Variants in SAXO1 observed in about 807,000 individuals in gnomAD.
SAXO1 encodes stabilizer of axonemal microtubules 1.
Under a neutral mutation model 17.5 loss-of-function variants are expected in SAXO1, and 21 were observed. The observed-to-expected ratio is 1.20, with a 90% confidence interval of 0.85 to 1.72. SAXO1 has a LOEUF of 1.72. Among genes scored for constraint, SAXO1 ranks in the 40% most tolerant of loss-of-function variants. SAXO1 has a pLI of 0.00. For synonymous variants in SAXO1, 274 were observed against 216.5 expected, an observed-to-expected ratio of 1.27 and a Z score of -2.33; for missense variants, 843 against 596.0, an observed-to-expected ratio of 1.41 and a Z score of -4.32.
At chr9:19,039,152 G>T (rs886257492) in intron 1 of SAXO1, among the ~76,000 whole-genome samples, 1 of 151,152 alleles carries the variant, frequency 6.6e-6, no homozygotes, top group African/African-American at 2.4e-5. Context: ...AAAAAAAAAA[G>T]AAAATATTAG....
intron 1 of SAXO1, among the ~76,000 whole-genome samples, chr9:19,016,337 G>A (rs937741099): frequency 6.6e-5 from 10 of 152,228 alleles, no homozygotes; most frequent in African/African-American, 2.4e-4. Context: ...TCAGGAGGCT[G>A]AGGCAGAAGA....
chr9:19,001,625 C>T (rs1353843556), intron 1 of SAXO1, among the ~76,000 whole-genome samples: 1 of 148,964 alleles, frequency 6.7e-6, no homozygotes, highest in Non-Finnish European at 1.5e-5. Context: ...CGAGATCGCG[C>T]ATTGCACTCT....
intron 1 of SAXO1, among the ~76,000 whole-genome samples, chr9:18,976,429 C>T (rs187172657): frequency 1.4e-3 from 220 of 152,302 alleles, no homozygotes; most frequent in Middle Eastern, 3.4e-3. Flanking sequence ...AGGGTAGCAG[C>T]TCATGTTGTG....
chr9:18,950,508 C>A (rs1381795829), intron 2 of SAXO1, among the ~76,000 whole-genome samples: 2 of 152,168 alleles, frequency 1.3e-5, no homozygotes, highest in Non-Finnish European at 2.9e-5. Context: ...TTAATCCAGC[C>A]TTTCCCCACC....
At chr9:19,004,903 A>G (rs1002619404) in intron 1 of SAXO1, among the ~76,000 whole-genome samples, 4 of 152,210 alleles carry the variant, frequency 2.6e-5, no homozygotes, top group African/African-American at 9.6e-5. Flanking sequence ...CATGAAAAAA[A>G]TTCTAAAAAC....
chr9:18,928,797 A>G lies in SAXO1; in HGVS notation c.680T>C (p.Phe227Ser), dbSNP rs377055524. 3 of 1,613,984 alleles carry G rather than the reference A, an allele frequency of 1.9e-6. No homozygotes were observed. The African/African-American group carries it at 4.0e-5, about 22-fold the overall frequency. ...EKRFVHEAEK[F>S]RPCEIPFESL... The stretch of plus-strand genomic sequence containing the variant: ...TTCAAAGGGGATTTCACAGGGCCTG[A>G]ACTTCTCTGCTTCATGCACAAAGCG... Residue 227 changes from phenylalanine to serine, a missense_variant, in exon 4 of 4, where the codon TTC becomes TCC. Coordinates refer to ENST00000380534, the MANE Select transcript of SAXO1 (RefSeq NM_153707.4).
At chr9:18,947,646 C>A (rs576870362) in intron 2 of SAXO1, 6 of 152,238 alleles carry the variant, frequency 3.9e-5, no homozygotes, top group African/African-American at 1.4e-4. Flanking sequence ...GGTGACATGC[C>A]TATGGGGAAA....
intron 1 of SAXO1, among the ~76,000 whole-genome samples, chr9:18,975,341 C>T (rs988965538): frequency 6.6e-6 from 1 of 152,162 alleles, no homozygotes; most frequent in Non-Finnish European, 1.5e-5. Flanking sequence ...AAGTTCAGAC[C>T]TTGCCCTCTT....
intron 1 of SAXO1, among the ~76,000 whole-genome samples, chr9:18,973,443 T>C (rs1299532964): frequency 6.6e-6 from 1 of 152,230 alleles, no homozygotes; most frequent in Non-Finnish European, 1.5e-5. Context: ...CATAGGTAGA[T>C]AGGAATGATT....
intron 1 of SAXO1, among the ~76,000 whole-genome samples, chr9:18,974,229 G>A (rs528288088): frequency 1.3e-5 from 2 of 152,302 alleles, no homozygotes; most frequent in Admixed American, 1.3e-4. Context: ...TCTAAACATG[G>A]AAAGAAGAAA....
At chr9:18,997,350 C>T (rs1406251745) in intron 1 of SAXO1, among the ~76,000 whole-genome samples, 8 of 152,232 alleles carry the variant, frequency 5.3e-5, no homozygotes, top group Admixed American at 1.3e-4. Context: ...GCTAGCGCAG[C>T]AGTATGAGAT....
chr9:19,035,310 T>C (rs141463389), upstream of SAXO1, among the ~76,000 whole-genome samples: 5 of 152,296 alleles, frequency 3.3e-5, no homozygotes, highest in African/African-American at 1.2e-4. Flanking sequence ...TCTCATGAGA[T>C]CTGACGGTTT....
At chr9:19,041,908 A>G (rs1281462741) in intron 1 of SAXO1, among the ~76,000 whole-genome samples, 1 of 152,178 alleles carries the variant, frequency 6.6e-6, no homozygotes, top group Non-Finnish European at 1.5e-5. Flanking sequence ...GTAATACCCC[A>G]CAAGCACAGG....
chr9:19,031,305 T>C (rs1323008503), intron 1 of SAXO1, among the ~76,000 whole-genome samples: 1 of 152,236 alleles, frequency 6.6e-6, no homozygotes, highest in African/African-American at 2.4e-5. Flanking sequence ...CTCATGCCTG[T>C]AATCCCAGCA....
At chr9:18,987,848 G>A (rs1028623907) in intron 1 of SAXO1, among the ~76,000 whole-genome samples, 4 of 150,318 alleles carry the variant, frequency 2.7e-5, no homozygotes, top group Non-Finnish European at 5.9e-5. Flanking sequence ...AGTGAGCAGA[G>A]ATGGCACCAC....
At chr9:19,010,284 T>C (rs62560428) in intron 1 of SAXO1, among the ~76,000 whole-genome samples, 11,092 of 151,530 alleles carry the variant, frequency 0.073, 509 homozygotes, top group African/African-American at 0.12. Flanking sequence ...AGTAGAGGGG[T>C]GGCCCTGGCA....
At position 19,005,857 on chromosome 9, in the gene SAXO1, G is replaced by A. The variant is rs574726812; in HGVS notation, c.38+27014C>T. Among the ~76,000 whole-genome samples the A allele has an allele frequency of 3.0e-3, 461 of 152,274 alleles. 8 individuals are homozygous for A. In the South Asian group the frequency reaches 0.045, roughly 15 times the overall value. The stretch of plus-strand genomic sequence containing the variant: ...GCTACAGGCTGGGAAAAAATTTGCA[G>A]ATCTGATAAGGGATTAATATCCAGA... On this transcript the variant is annotated intron_variant, in intron 1 of 3. Transcript: ENST00000380534.
At chr9:18,991,926 T>C (rs1406109650) in intron 1 of SAXO1, among the ~76,000 whole-genome samples, 1 of 152,078 alleles carries the variant, frequency 6.6e-6, no homozygotes, top group Non-Finnish European at 1.5e-5. Flanking sequence ...CTGTAAAAAC[T>C]CAAGAGACTG....
chr9:18,945,299 C>T (rs1340805388), intron 2 of SAXO1, among the ~76,000 whole-genome samples: 1 of 152,168 alleles, frequency 6.6e-6, no homozygotes, highest in Non-Finnish European at 1.5e-5. Flanking sequence ...CAACCTTATC[C>T]CACTGTGGTT....
Sources: allele counts gnomAD v4.1 joint callset (sites outside exome capture counted in the v4.1 genomes callset), GRCh38; gene constraint gnomAD v4.1.1; transcripts MANE v1.5; gene names NCBI Gene and HGNC (gene_info 2026-07-23, HGNC 2026-07-21).